PRKG1: variants seen among roughly 807,000 people sequenced by gnomAD.
PRKG1 encodes protein kinase cGMP-dependent 1, also known as cGMP-dependent protein kinase 1.
Under a neutral mutation model 88.1 loss-of-function variants are expected in PRKG1, and 35 were observed. That is an observed-to-expected ratio of 0.40 (90% CI 0.30 to 0.53). PRKG1 has a LOEUF of 0.53. Among genes scored for constraint, PRKG1 ranks in the 20% least tolerant of loss-of-function variants. The pLI, the probability that PRKG1 is intolerant of heterozygous loss-of-function variation, is 0.59. For synonymous variants in PRKG1, 303 were observed against 292.5 expected (o/e 1.04, Z -0.37); for missense variants, 540 against 839.8 (o/e 0.64, Z 4.41).
chr10:51,101,872 G>GCTAAAAAT (rs1015825298), intron 1 of PRKG1, among the ~76,000 whole-genome samples: 2 of 152,158 alleles, frequency 1.3e-5, no homozygotes, highest in African/African-American at 4.8e-5. Context: ...TAAAATTGAG[G>GCTAAAAAT]CTAAAAATAG....
At chr10:51,284,865 C>CTTTTTTTTTTTTTTTTTTTTTTGGTTATT (rs5784867) in intron 2 of PRKG1, among the ~76,000 whole-genome samples, 1 of 51,698 alleles carries the variant, frequency 1.9e-5, no homozygotes, top group African/African-American at 7.2e-5. Context: ...GTTGTGGGTA[C>CTTTTTTTTTTTTTTTTTTTTTTGGTTATT]TTTTTTTTTT....
intron 2 of PRKG1, among the ~76,000 whole-genome samples, chr10:51,414,816 T>C (rs1432179935): frequency 6.6e-6 from 1 of 152,362 alleles, no homozygotes; most frequent in East Asian, 1.9e-4. Flanking sequence ...ATAATTCTTT[T>C]CTGCATTTTA....
At chr10:52,142,753 T>A (rs189795626) in intron 8 of PRKG1, among the ~76,000 whole-genome samples, 1 of 152,300 alleles carries the variant, frequency 6.6e-6, no homozygotes, top group Admixed American at 6.5e-5. Flanking sequence ...ACTAGCTCAC[T>A]CCCCTCACAT....
At chr10:52,145,484 AC>A (rs1837706288) in intron 8 of PRKG1, among the ~76,000 whole-genome samples, 1 of 152,184 alleles carries the variant, frequency 6.6e-6, no homozygotes, top group Non-Finnish European at 1.5e-5. Context: ...AAATCTCTTT[AC>A]CTTTTTTATG....
chr10:51,974,981 G>A (rs1393303120), intron 5 of PRKG1, among the ~76,000 whole-genome samples: 1 of 152,078 alleles, frequency 6.6e-6, no homozygotes, highest in Non-Finnish European at 1.5e-5. Flanking sequence ...TCTCAATCTG[G>A]AATAGTAGGA....
chr10:52,170,065 C>G (rs1838622337), intron 9 of PRKG1, among the ~76,000 whole-genome samples: 1 of 152,180 alleles, frequency 6.6e-6, no homozygotes, highest in Non-Finnish European at 1.5e-5. Flanking sequence ...GCATTACCCT[C>G]TCTCTAAAGA....
intron 5 of PRKG1, among the ~76,000 whole-genome samples, chr10:51,948,931 C>T (rs1180246503): frequency 6.6e-6 from 1 of 152,058 alleles, no homozygotes; most frequent in Non-Finnish European, 1.5e-5. Context: ...ATAATATGAA[C>T]TATTTGTGTG....
chr10:51,707,146 A>G (rs1841625894), intron 3 of PRKG1, among the ~76,000 whole-genome samples: 1 of 152,196 alleles, frequency 6.6e-6, no homozygotes, highest in Non-Finnish European at 1.5e-5. Context: ...ATCCCATAGA[A>G]TACTTCAATG....
At chr10:51,661,197 A>G (rs1165673417) in intron 3 of PRKG1, among the ~76,000 whole-genome samples, 3 of 152,142 alleles carry the variant, frequency 2.0e-5, no homozygotes, top group African/African-American at 7.2e-5. Flanking sequence ...AATAAATACC[A>G]CAAGGATGGA....
At chr10:51,742,319 A>G (rs1311287237) in intron 3 of PRKG1, among the ~76,000 whole-genome samples, 2 of 152,146 alleles carry the variant, frequency 1.3e-5, no homozygotes, top group African/African-American at 2.4e-5. Flanking sequence ...AAGACATTAC[A>G]TTTTCGGAAG....
rs34741636 is a variant in PRKG1, at chr10:52,241,926, C to CAGAGTAGAAAA, written c.1077-9644_1077-9643insAGAGTAGAAAA. 1.4e-4 allele frequency among the ~76,000 whole-genome samples: 22 copies of CAGAGTAGAAAA among 152,270 alleles called. No individual in the cohort carries two copies. In the East Asian group the frequency reaches 2.1e-3, roughly 15 times the overall value. On this transcript the variant is annotated intron_variant, in intron 9 of 17. Coordinates refer to ENST00000373980, the MANE Select transcript of PRKG1 (RefSeq NM_006258.4). ...CAAAGCAAAGACTCTTCTTAGTCTTCGGGTAGAAAAGGGATTTTTAAATTT... is the reference window on the plus strand; with the variant it reads ...CAAAGCAAAGACTCTTCTTAGTCTTCAGAGTAGAAAAGGGTAGAAAAGGGATTTTTAAATTT...
chr10:51,699,699 C>T (rs3812670), intron 3 of PRKG1: 58,343 of 766,224 alleles, frequency 0.076, 2,586 homozygotes, highest in East Asian at 0.16. Context: ...CCTGTGGAAC[C>T]TGCATCCCAC....
intron 4 of PRKG1, among the ~76,000 whole-genome samples, chr10:51,900,455 C>T (rs1841955520): frequency 6.6e-6 from 1 of 152,102 alleles, no homozygotes; most frequent in East Asian, 1.9e-4. Context: ...GAATCATTTA[C>T]CAATGTGTGA....
intron 2 of PRKG1, among the ~76,000 whole-genome samples, chr10:51,432,579 C>T (rs1334321842): frequency 6.6e-6 from 1 of 152,108 alleles, no homozygotes; most frequent in Non-Finnish European, 1.5e-5. Flanking sequence ...CTGGTACTGA[C>T]AAATGCAGCA....
At chr10:51,631,067 T>G (rs1465236709) in intron 3 of PRKG1, among the ~76,000 whole-genome samples, 1 of 152,212 alleles carries the variant, frequency 6.6e-6, no homozygotes, top group African/African-American at 2.4e-5. Context: ...GGTCACCACA[T>G]ATTATACAAA....
At chr10:51,352,380 G>A (rs1346215673) in intron 2 of PRKG1, among the ~76,000 whole-genome samples, 5 of 152,036 alleles carry the variant, frequency 3.3e-5, no homozygotes, top group African/African-American at 1.2e-4. Context: ...CTATCCATGA[G>A]CATAGAATAT....
At chr10:51,166,691 A>C (rs1473647066) in intron 2 of PRKG1, among the ~76,000 whole-genome samples, 2 of 152,124 alleles carry the variant, frequency 1.3e-5, no homozygotes, top group African/African-American at 4.8e-5. Flanking sequence ...AATAGGAAAA[A>C]TATTTTGGAA....
chr10:52,188,225 CATATG>C (rs1564508900), intron 9 of PRKG1, among the ~76,000 whole-genome samples: 1 of 20,964 alleles, frequency 4.8e-5, no homozygotes, highest in African/African-American at 1.5e-4. Flanking sequence ...TATATATATA[CATATG>C]TATATATATA....
chr10:51,947,783 T>G (rs1241656179), intron 5 of PRKG1, among the ~76,000 whole-genome samples: 1 of 152,120 alleles, frequency 6.6e-6, no homozygotes, highest in African/African-American at 2.4e-5. Flanking sequence ...CCATGGGGAC[T>G]GAATTCCTTC....
Sources: allele counts gnomAD v4.1 joint callset (sites outside exome capture counted in the v4.1 genomes callset), GRCh38; gene constraint gnomAD v4.1.1; transcripts MANE v1.5; gene names NCBI Gene and HGNC (gene_info 2026-07-23, HGNC 2026-07-21).